The following SUGCT variants were observed in gnomAD, a reference collection of about 807,000 sequenced individuals.
SUGCT encodes succinyl-CoA:glutarate CoA-transferase.
A neutral mutation model predicts 55.0 loss-of-function variants in SUGCT; 41 were observed. That is an observed-to-expected ratio of 0.74 (90% CI 0.58 to 0.97). SUGCT has a LOEUF of 0.97. Ranked by LOEUF, SUGCT falls within the 50% of genes least tolerant of loss-of-function variation. SUGCT has a pLI of 0.00. For synonymous variants in SUGCT, 187 were observed against 200.4 expected (o/e 0.93, Z 0.56); for missense variants, 568 against 547.8 (o/e 1.04, Z -0.37).
intron 12 of SUGCT, among the ~76,000 whole-genome samples, chr7:40,548,670 T>C (rs2151635661): frequency 6.6e-6 from 1 of 152,240 alleles, no homozygotes; most frequent in South Asian, 2.1e-4. Flanking sequence ...GAACCTACAT[T>C]GACCCATCCT....
the SUGCT span, among the ~76,000 whole-genome samples, chr7:41,031,326 G>C: frequency 6.6e-6 from 1 of 152,168 alleles, no homozygotes; most frequent in Non-Finnish European, 1.5e-5. Context: ...TGGGCTCTCT[G>C]ATTTATGAAT....
At chr7:40,165,738 ATCTTT>A (rs1175904676) in intron 1 of SUGCT, among the ~76,000 whole-genome samples, 3 of 152,022 alleles carry the variant, frequency 2.0e-5, no homozygotes, top group South Asian at 2.1e-4. Context: ...TCATATGTTT[ATCTTT>A]TCTTGTTTTC....
At chr7:40,928,550 T>C in the SUGCT span, among the ~76,000 whole-genome samples, 5 of 152,158 alleles carry the variant, frequency 3.3e-5, no homozygotes, top group Non-Finnish European at 5.9e-5. Flanking sequence ...TTGTTTCACA[T>C]TTTTAATGTA....
At chr7:40,281,161 G>A (rs971770113) in intron 8 of SUGCT, among the ~76,000 whole-genome samples, 1 of 152,102 alleles carries the variant, frequency 6.6e-6, no homozygotes, top group Non-Finnish European at 1.5e-5. Context: ...TACCCCTAAA[G>A]TCTTGTGGGT....
At chr7:41,030,709 A>G in the SUGCT span, among the ~76,000 whole-genome samples, 1 of 152,108 alleles carries the variant, frequency 6.6e-6, no homozygotes, top group Non-Finnish European at 1.5e-5. Context: ...ATGTATGCTG[A>G]CATTTCTGTT....
intron 8 of SUGCT, among the ~76,000 whole-genome samples, chr7:40,298,212 G>A (rs1794295295): frequency 6.6e-6 from 1 of 151,754 alleles, no homozygotes; most frequent in South Asian, 2.1e-4. Context: ...AAAAAGATCA[G>A]TCACCATGCT....
chr7:40,171,154 A>G (rs981793985), intron 1 of SUGCT, among the ~76,000 whole-genome samples: 4 of 152,196 alleles, frequency 2.6e-5, no homozygotes, highest in African/African-American at 9.6e-5. Flanking sequence ...TATCGACCTT[A>G]AACTTTTTCT....
In SUGCT at chr7:40,860,573, T is replaced by C. The variant is rs1794454893; in HGVS notation, c.*94T>C. 2.2e-6 allele frequency: 3 copies of C among 1,347,510 alleles called. No homozygotes were observed. In the South Asian group the frequency reaches 4.9e-5, roughly 22 times the overall value. The allele number at this position is 1,347,510 out of a possible 1,614,324, so 83.5% of individuals were successfully genotyped here. A position where few individuals can be genotyped will look rare whatever the true frequency, so the allele number is the denominator to read the frequency against. On this transcript the variant is annotated 3_prime_UTR_variant, in exon 14 of 14. Coordinates refer to ENST00000335693, the MANE Select transcript of SUGCT (RefSeq NM_001193313.2). ...CCCTTCTCCCCAGTTCTGATACCAC[T>C]AAAAAGAAGATTTAGAGTAACTCCA...
chr7:40,787,988 G>A (rs991466281), intron 13 of SUGCT, among the ~76,000 whole-genome samples: 1 of 152,232 alleles, frequency 6.6e-6, no homozygotes, highest in Middle Eastern at 3.4e-3. Flanking sequence ...TAGAGACCAG[G>A]GGGGAAAGCC....
chr7:40,256,195 T>G (rs960951961), intron 7 of SUGCT, among the ~76,000 whole-genome samples: 1 of 152,286 alleles, frequency 6.6e-6, no homozygotes, highest in African/African-American at 2.4e-5. Flanking sequence ...TCAATGGGAT[T>G]TATATTTAGA....
At chr7:40,862,387 T>C (rs1414254597), downstream of SUGCT, among the ~76,000 whole-genome samples, 1 of 152,234 alleles carries the variant, frequency 6.6e-6, no homozygotes, top group Non-Finnish European at 1.5e-5. Context: ...TTTACTGTGC[T>C]CTGCTGATTT....
intron 13 of SUGCT, among the ~76,000 whole-genome samples, chr7:40,823,808 G>A (rs1033918430): frequency 6.6e-6 from 1 of 152,000 alleles, no homozygotes. Flanking sequence ...TTCAAATAGC[G>A]ACAGACTTAA....
chr7:40,840,587 A>G (rs1462544347), intron 13 of SUGCT, among the ~76,000 whole-genome samples: 1 of 152,150 alleles, frequency 6.6e-6, no homozygotes, highest in African/African-American at 2.4e-5. Context: ...ATAGCACTAA[A>G]TGTTTACATC....
At chr7:40,555,381 A>T (rs1478890570) in intron 12 of SUGCT, among the ~76,000 whole-genome samples, 3 of 151,110 alleles carry the variant, frequency 2.0e-5, no homozygotes, top group Non-Finnish European at 4.4e-5. Context: ...TGCTCTTTGG[A>T]TGACTGTCCC....
At chr7:40,979,481 T>C in the SUGCT span, 1 of 152,376 alleles carries the variant, frequency 6.6e-6, no homozygotes, top group African/African-American at 2.4e-5. Flanking sequence ...GATTGGAGTG[T>C]GACTCATCAG....
At chr7:40,191,544 C>T (rs944245223) in intron 5 of SUGCT, among the ~76,000 whole-genome samples, 6 of 152,168 alleles carry the variant, frequency 3.9e-5, no homozygotes, top group African/African-American at 1.4e-4. Context: ...ACTCTTTCTT[C>T]CCATATCTTT....
chr7:40,573,674 A>C (rs1796572454), intron 12 of SUGCT, among the ~76,000 whole-genome samples: 3 of 152,140 alleles, frequency 2.0e-5, no homozygotes, highest in Admixed American at 6.5e-5. Flanking sequence ...TTTGATTTTC[A>C]TTGTGTCCTA....
chr7:40,264,428 A>G (rs1053346702), intron 7 of SUGCT, among the ~76,000 whole-genome samples: 11 of 152,308 alleles, frequency 7.2e-5, no homozygotes, highest in Middle Eastern at 3.4e-3. Flanking sequence ...TTTAGTATCA[A>G]TTAGTGGTTC....
intron 1 of SUGCT, among the ~76,000 whole-genome samples, chr7:40,148,033 T>G (rs937110310): frequency 6.6e-6 from 1 of 152,176 alleles, no homozygotes; most frequent in Non-Finnish European, 1.5e-5. Flanking sequence ...TGGCTAGGGT[T>G]AGACCGCACA....
Sources: allele counts gnomAD v4.1 joint callset (sites outside exome capture counted in the v4.1 genomes callset), GRCh38; gene constraint gnomAD v4.1.1; transcripts MANE v1.5; gene names NCBI Gene and HGNC (gene_info 2026-07-23, HGNC 2026-07-21).